Variants in MAGI2 observed in about 807,000 individuals in gnomAD.
MAGI2 encodes membrane-associated guanylate kinase, WW and PDZ domain-containing protein 2.
Under a neutral mutation model 133.3 loss-of-function variants are expected in MAGI2, and 35 were observed. The observed-to-expected ratio is 0.26, with a 90% CI of 0.20 to 0.35. The LOEUF (loss-of-function observed/expected upper bound fraction) is 0.35, where lower values mean the gene tolerates loss of function less well. MAGI2 is among the 10% of genes least tolerant of loss of function. The probability of loss-of-function intolerance (pLI) is 1.00; values close to 1 mark genes in which losing one functional copy is unlikely to be tolerated. For missense variants in MAGI2, 1,636 were observed against 1,863.4 expected (o/e 0.88, Z 2.25); for synonymous variants, 729 against 710.6 (o/e 1.03, Z -0.41).
At chr7:78,587,304 G>A (rs937011290) in intron 3 of MAGI2, among the ~76,000 whole-genome samples, 1 of 151,886 alleles carries the variant, frequency 6.6e-6, no homozygotes, top group Non-Finnish European at 1.5e-5. Flanking sequence ...TGGGTGTTCT[G>A]GCTAAGAATT....
At position 78,607,880 on chromosome 7, in the gene MAGI2, C is replaced by A. The variant is rs147963313; in HGVS notation, c.538+19240G>T. Among the ~76,000 whole-genome samples the A allele has an allele frequency of 7.8e-3, 1,187 of 152,256 alleles. 13 individuals are homozygous for A. Among genetic ancestry groups the A allele is most frequent in the African/African-American group, 0.019 (782 of 41,550 alleles). On this transcript the variant is annotated intron_variant, in intron 3 of 21. Coordinates refer to ENST00000354212, the MANE Select transcript of MAGI2 (RefSeq NM_012301.4). ...TCTCCAAGTTGGCCCACTCTTCTGG[C>A]TCAGCTTGGCTCTCAGCCTCCTATG... is the stretch of plus-strand genomic sequence containing the variant.
chr7:78,546,775 C>T (rs1230235646), intron 3 of MAGI2, among the ~76,000 whole-genome samples: 1 of 151,958 alleles, frequency 6.6e-6, no homozygotes, highest in Non-Finnish European at 1.5e-5. Flanking sequence ...CTGTTTTGTG[C>T]CACATAGTAG....
chr7:79,262,690 C>G (rs1834171019), intron 1 of MAGI2, among the ~76,000 whole-genome samples: 1 of 152,166 alleles, frequency 6.6e-6, no homozygotes, highest in Non-Finnish European at 1.5e-5. Context: ...AAGGATATGA[C>G]TGACCTCACT....
intron 9 of MAGI2, among the ~76,000 whole-genome samples, chr7:78,289,207 G>A (rs1222674671): frequency 1.3e-5 from 2 of 152,036 alleles, no homozygotes; most frequent in Non-Finnish European, 2.9e-5. Context: ...CTAAAACCTT[G>A]AAAAAAGATT....
At chr7:78,891,830 G>A (rs139647489) in intron 2 of MAGI2, among the ~76,000 whole-genome samples, 2,144 of 152,296 alleles carry the variant, frequency 0.014, 48 homozygotes, top group African/African-American at 0.049. Flanking sequence ...AGACAGGGAT[G>A]CCCTCTCTCA....
intron 14 of MAGI2, among the ~76,000 whole-genome samples, chr7:78,173,442 A>G (rs113785731): frequency 3.7e-4 from 56 of 152,286 alleles, no homozygotes; most frequent in South Asian, 8.3e-4. Context: ...TGAAGATAAT[A>G]TCTACAGAAT....
At chr7:79,130,900 AATTCATTCATTC>A (rs10555338) in intron 1 of MAGI2, among the ~76,000 whole-genome samples, 23 of 150,708 alleles carry the variant, frequency 1.5e-4, no homozygotes, top group South Asian at 1.5e-3. Context: ...GAAAGTCACC[AATTCATTCATTC>A]ATTCATTCAT....
intron 3 of MAGI2, among the ~76,000 whole-genome samples, chr7:78,545,403 G>A (rs1050592438): frequency 1.3e-5 from 2 of 151,762 alleles, no homozygotes; most frequent in Admixed American, 6.6e-5. Flanking sequence ...AGCAGAGAAG[G>A]GGATTCGCCA....
At chr7:78,249,815 A>G (rs1792198788) in intron 10 of MAGI2, among the ~76,000 whole-genome samples, 1 of 152,094 alleles carries the variant, frequency 6.6e-6, no homozygotes, top group Admixed American at 6.5e-5. Flanking sequence ...AGTTACCAAT[A>G]ATGTATAGTA....
At chr7:78,895,017 G>C (rs540752905) in intron 2 of MAGI2, among the ~76,000 whole-genome samples, 1 of 152,276 alleles carries the variant, frequency 6.6e-6, no homozygotes, top group South Asian at 2.1e-4. Flanking sequence ...GTATTAAAAG[G>C]AAGGGCCTTT....
rs556106942 is a variant in MAGI2 at position 78,150,487 on chromosome 7, TGAA to T, written c.2845+9535_2845+9537del. Reference sequence around the variant, plus strand: ...TTTTGCAAAAGTGCCCTGCGGGCTCTGAATTTACTTGAACCTAATGTGGGAGAG... The same window carrying T: ...TTTTGCAAAAGTGCCCTGCGGGCTCTTTTACTTGAACCTAATGTGGGAGAG... On this transcript the variant is annotated intron_variant, in intron 16 of 21. Transcript: ENST00000354212. Among the ~76,000 whole-genome samples, 476 of 152,362 alleles carry T rather than the reference TGAA, an allele frequency of 3.1e-3. 1 individual carries two copies. Among genetic ancestry groups the T allele is most frequent in the African/African-American group, 0.011 (459 of 41,590 alleles).
intron 1 of MAGI2, among the ~76,000 whole-genome samples, chr7:79,091,773 T>C (rs1001708493): frequency 6.6e-6 from 1 of 152,070 alleles, no homozygotes; most frequent in African/African-American, 2.4e-5. Flanking sequence ...TGAATGGACA[T>C]GGCTATGTTC....
chr7:78,456,475 C>A (rs1789334585), intron 6 of MAGI2, among the ~76,000 whole-genome samples: 1 of 152,124 alleles, frequency 6.6e-6, no homozygotes, highest in Admixed American at 6.6e-5. Context: ...TGAGCACATA[C>A]TCTAGGCTAA....
At chr7:78,417,810 C>T (rs1026207291) in intron 6 of MAGI2, among the ~76,000 whole-genome samples, 4 of 152,166 alleles carry the variant, frequency 2.6e-5, no homozygotes, top group African/African-American at 7.2e-5. Context: ...AGATTCAACA[C>T]TTTCACATTT....
intron 1 of MAGI2, among the ~76,000 whole-genome samples, chr7:79,192,162 A>AT (rs1168417669): frequency 4.6e-5 from 7 of 151,684 alleles, no homozygotes; most frequent in Non-Finnish European, 8.8e-5. Context: ...TCCGTGTCCT[A>AT]TTTTTTACCA....
chr7:78,627,819 G>T (rs1808535247), intron 2 of MAGI2, among the ~76,000 whole-genome samples: 2 of 152,146 alleles, frequency 1.3e-5, no homozygotes, highest in Admixed American at 1.3e-4. Context: ...AATTAGAATT[G>T]TGTAATAATT....
chr7:78,867,008 T>C (rs1794615945), intron 2 of MAGI2, among the ~76,000 whole-genome samples: 1 of 151,422 alleles, frequency 6.6e-6, no homozygotes, highest in African/African-American at 2.4e-5. Context: ...TCACACCAGT[T>C]AGAATGGCAA....
At chr7:78,475,832 C>T (rs1413931992) in intron 6 of MAGI2, among the ~76,000 whole-genome samples, 1 of 151,800 alleles carries the variant, frequency 6.6e-6, no homozygotes, top group African/African-American at 2.4e-5. Flanking sequence ...AGAACTTGAA[C>T]ATTTAGGAGT....
At chr7:78,096,239 A>G (rs1817681156) in intron 20 of MAGI2, among the ~76,000 whole-genome samples, 1 of 152,220 alleles carries the variant, frequency 6.6e-6, no homozygotes, top group Non-Finnish European at 1.5e-5. Flanking sequence ...TGGTGGAATC[A>G]GGAGTCCTTG....
Sources: gnomAD v4.1 joint callset for allele counts (sites outside exome capture counted in the v4.1 genomes callset) on GRCh38, gnomAD v4.1.1 for gene constraint, MANE v1.5 for transcripts, NCBI Gene and HGNC (gene_info 2026-07-23, HGNC 2026-07-21) for gene names.